The following TSPAN15 variants were observed in gnomAD, a reference collection of about 807,000 sequenced individuals.
TSPAN15 encodes the protein tetraspanin-15.
Under a neutral mutation model 34.5 loss-of-function variants are expected in TSPAN15, and 20 were observed. That is an observed-to-expected ratio of 0.58 (90% CI 0.41 to 0.84). The LOEUF is 0.84. TSPAN15 is among the 40% of genes least tolerant of loss of function. The probability of loss-of-function intolerance (pLI) is 0.00; values close to 1 mark genes in which losing one functional copy is unlikely to be tolerated. For synonymous variants in TSPAN15, 155 were observed against 153.9 expected (o/e 1.01, Z -0.05); for missense variants, 313 against 386.1 (o/e 0.81, Z 1.59).
Position 69,495,690 on chromosome 10 carries a change from G to T in TSPAN15, c.453+1G>T. On this transcript the variant is annotated splice_donor_variant, in intron 4 of 7. Transcript: ENST00000373290. LOFTEE classifies it high-confidence loss of function. ...CATCATGGACTTTGTTCAGAAAAAGGTGAGCCAGGCGCTTTGGGGTAGAGA... is the reference window on the plus strand; with the variant it reads ...CATCATGGACTTTGTTCAGAAAAAGTTGAGCCAGGCGCTTTGGGGTAGAGA... 6.2e-7 allele frequency: 1 copy of T among 1,612,504 alleles called. No homozygotes were observed.
the TSPAN15 span, among the ~76,000 whole-genome samples, chr10:69,543,845 G>A: frequency 4.9e-4 from 2 of 4,094 alleles, no homozygotes; most frequent in African/African-American, 9.2e-4. Flanking sequence ...AAGAAGGGGA[G>A]TGTGTGTGTG....
At chr10:69,452,038 C>T (rs184914564) in intron 1 of TSPAN15, among the ~76,000 whole-genome samples, 65 of 152,396 alleles carry the variant, frequency 4.3e-4, no homozygotes, top group African/African-American at 1.5e-3. Flanking sequence ...GGACTGACTG[C>T]CTCTGCATCG....
chr10:69,480,985 A>G (rs1208909813), intron 1 of TSPAN15, among the ~76,000 whole-genome samples: 1 of 152,196 alleles, frequency 6.6e-6, no homozygotes, highest in Non-Finnish European at 1.5e-5. Flanking sequence ...GGCGTGAGCC[A>G]CTGCGCCCGG....
intron 3 of TSPAN15, among the ~76,000 whole-genome samples, chr10:69,491,276 G>A (rs554747666): frequency 4.6e-5 from 7 of 152,338 alleles, no homozygotes; most frequent in South Asian, 4.1e-4. Flanking sequence ...GTAAGTCCCC[G>A]TTCTAGAGGG....
chr10:69,498,213 C>A (rs935385343), intron 4 of TSPAN15, 67 bp from the exon 5 acceptor site: 2 of 1,436,984 alleles, frequency 1.4e-6, no homozygotes, highest in Non-Finnish European at 9.8e-7. Context: ...TGACAGGGCC[C>A]CTTCCTGTCG....
chr10:69,499,626 G>A (rs983203706), intron 5 of TSPAN15, among the ~76,000 whole-genome samples: 7 of 152,218 alleles, frequency 4.6e-5, no homozygotes, highest in African/African-American at 1.7e-4. Context: ...AGCAAACAAA[G>A]TCTCTGCCCG....
chr10:69,501,041 AAG>A (rs762272494), intron 5 of TSPAN15, among the ~76,000 whole-genome samples: 38 of 152,200 alleles, frequency 2.5e-4, no homozygotes, highest in African/African-American at 7.7e-4. Flanking sequence ...CGATGAATGA[AAG>A]AGAGAAATCA....
At chr10:69,485,283 C>A in intron 3 of TSPAN15, 68 bp downstream of exon 3, 1 of 1,379,214 alleles carries the variant, frequency 7.3e-7, no homozygotes, top group South Asian at 1.2e-5. Context: ...CTTGGGCTAA[C>A]TGGGGGTATG....
intron 1 of TSPAN15, among the ~76,000 whole-genome samples, chr10:69,453,484 G>C (rs1841018510): frequency 6.6e-6 from 1 of 152,142 alleles, no homozygotes; most frequent in Admixed American, 6.5e-5. Context: ...AGGTTGATGG[G>C]TGGGGAGGTA....
At chr10:69,526,997 A>G in the TSPAN15 span, among the ~76,000 whole-genome samples, 1 of 147,892 alleles carries the variant, frequency 6.8e-6, no homozygotes, top group African/African-American at 2.5e-5. Flanking sequence ...AAATGAAAAC[A>G]TATGTTCACA....
chr10:69,462,725 G>A (rs952666952), intron 1 of TSPAN15, among the ~76,000 whole-genome samples: 2 of 152,222 alleles, frequency 1.3e-5, no homozygotes, highest in African/African-American at 4.8e-5. Context: ...AGGGAATTCT[G>A]ATGGTACTGG....
chr10:69,539,723 A>G, the TSPAN15 span, among the ~76,000 whole-genome samples: 4 of 152,106 alleles, frequency 2.6e-5, no homozygotes, highest in African/African-American at 9.7e-5. Flanking sequence ...GATTCCTTCT[A>G]TTATGTTGCT....
intron 1 of TSPAN15, among the ~76,000 whole-genome samples, chr10:69,473,487 C>T (rs1044402277): frequency 6.6e-5 from 10 of 151,436 alleles, no homozygotes; most frequent in East Asian, 1.9e-4. Flanking sequence ...GAAGGCAGCC[C>T]GTGGGGGCGG....
At position 69,504,289 on chromosome 10, in the gene TSPAN15, C is replaced by T. The variant is rs1024983768; in HGVS notation, c.571-149C>T. 9.8e-6 allele frequency: 6 copies of T among 610,546 alleles called. No individual in the cohort carries two copies. In the Admixed American group the frequency reaches 1.2e-4, roughly 12 times the overall value. 37.8% of individuals were successfully genotyped at this position (610,546 alleles called of 1,614,324 possible). ...GAGGTGGTTATGATGGAGACTCAAG[C>T]CAGACTGCCTGGGTCGGAATCTCAG... On this transcript the variant is annotated intron_variant, in intron 5 of 7. Transcript: ENST00000373290.
At chr10:69,481,040 G>T (rs1841724265) in intron 1 of TSPAN15, among the ~76,000 whole-genome samples, 1 of 152,176 alleles carries the variant, frequency 6.6e-6, no homozygotes, top group South Asian at 2.1e-4. Flanking sequence ...GCTCTCCGAG[G>T]ACCTGGGGCA....
chr10:69,463,766 C>T (rs953393521), intron 1 of TSPAN15, among the ~76,000 whole-genome samples: 3 of 145,128 alleles, frequency 2.1e-5, no homozygotes, highest in Non-Finnish European at 3.0e-5. Context: ...GCCGAGATGG[C>T]GCTACTGCAC....
chr10:69,494,584 AG>A (rs1316400450), intron 3 of TSPAN15: 1 of 959,962 alleles, frequency 1.0e-6, no homozygotes, highest in Non-Finnish European at 1.2e-6. Flanking sequence ...CAGAGCTCGA[AG>A]TTACCTTAAA....
intron 6 of TSPAN15, among the ~76,000 whole-genome samples, chr10:69,505,630 A>G (rs1029887115): frequency 6.6e-6 from 1 of 151,742 alleles, no homozygotes; most frequent in African/African-American, 2.4e-5. Flanking sequence ...CTGGCCTCAA[A>G]CTCCTAGGCT....
intron 3 of TSPAN15, among the ~76,000 whole-genome samples, chr10:69,487,150 G>A (rs1408234461): frequency 6.6e-6 from 1 of 151,224 alleles, no homozygotes; most frequent in Non-Finnish European, 1.5e-5. Flanking sequence ...ACAGACTCCT[G>A]GATATAAGGA....
Sources: allele counts gnomAD v4.1 joint callset (sites outside exome capture counted in the v4.1 genomes callset), GRCh38; gene constraint gnomAD v4.1.1; transcripts MANE v1.5; gene names NCBI Gene and HGNC (gene_info 2026-07-23, HGNC 2026-07-21).